PRKG1: variants seen among roughly 807,000 people sequenced by gnomAD.
The protein encoded by PRKG1 is protein kinase cGMP-dependent 1.
Under a neutral mutation model 88.1 loss-of-function variants are expected in PRKG1, and 35 were observed. The observed-to-expected ratio is 0.40, with a 90% CI of 0.30 to 0.53. The LOEUF (loss-of-function observed/expected upper bound fraction) is 0.53. Ranked by LOEUF, PRKG1 falls within the 20% of genes least tolerant of loss-of-function variation. The pLI is 0.59. For missense variants in PRKG1, 540 were observed against 839.8 expected (o/e 0.64, Z 4.41); for synonymous variants, 303 against 292.5 (o/e 1.04, Z -0.37).
chr10:51,138,686 T>TTTG (rs1554839818), intron 1 of PRKG1, among the ~76,000 whole-genome samples: 2 of 130,712 alleles, frequency 1.5e-5, no homozygotes, highest in East Asian at 2.4e-4. Flanking sequence ...TTTTTTTTTT[T>TTTG]TTTTTTTTTT....
At chr10:51,280,926 A>AG (rs1341621602) in intron 2 of PRKG1, among the ~76,000 whole-genome samples, 2 of 152,064 alleles carry the variant, frequency 1.3e-5, no homozygotes, top group African/African-American at 4.8e-5. Flanking sequence ...CTTCCTTTGG[A>AG]GGGGGAGAGG....
intron 2 of PRKG1, among the ~76,000 whole-genome samples, chr10:51,357,943 A>G (rs1224090995): frequency 6.6e-6 from 1 of 151,978 alleles, no homozygotes; most frequent in Non-Finnish European, 1.5e-5. Flanking sequence ...TTTATTTTAC[A>G]TATTAGGGAT....
intron 3 of PRKG1, among the ~76,000 whole-genome samples, chr10:51,535,330 G>A (rs1427104314): frequency 6.6e-6 from 1 of 152,098 alleles, no homozygotes; most frequent in Admixed American, 6.5e-5. Flanking sequence ...CATAAAAATT[G>A]CCAAGGTAGA....
intron 9 of PRKG1, chr10:52,231,419 AAGAGAG>A (rs200201417): frequency 2.7e-5 from 4 of 150,204 alleles, no homozygotes; most frequent in Admixed American, 6.6e-5. Flanking sequence ...GAAAGAGAGA[AAGAGAG>A]AGAGAGAGAG....
At chr10:51,177,824 C>T (rs1837236756) in intron 2 of PRKG1, among the ~76,000 whole-genome samples, 1 of 151,714 alleles carries the variant, frequency 6.6e-6, no homozygotes, top group African/African-American at 2.4e-5. Context: ...AATATGATTA[C>T]ATTTATATTT....
At chr10:51,726,912 G>A (rs2132462318) in intron 3 of PRKG1, among the ~76,000 whole-genome samples, 1 of 152,048 alleles carries the variant, frequency 6.6e-6, no homozygotes, top group African/African-American at 2.4e-5. Flanking sequence ...AAGTAGCTGG[G>A]ACTACAGGCA....
chr10:52,142,972 C>CGAAT (rs1182539705), intron 8 of PRKG1, among the ~76,000 whole-genome samples: 1 of 151,932 alleles, frequency 6.6e-6, no homozygotes, highest in Admixed American at 6.6e-5. Context: ...TTGAAATGAA[C>CGAAT]GAATGAATGA....
Position 51,259,336 on chromosome 10 carries a change from A to G in PRKG1, c.478+106006A>G, listed in dbSNP as rs117486584. On this transcript the variant is annotated intron_variant, in intron 2 of 17. Transcript: ENST00000373980. ...GTATTTTTTCTTGAAAAATATACTCATAACAACAGCTGTGATTATTCCCGT... is the reference window on the plus strand; with the variant it reads ...GTATTTTTTCTTGAAAAATATACTCGTAACAACAGCTGTGATTATTCCCGT... Among the ~76,000 whole-genome samples, 586 of 152,372 alleles carry G rather than the reference A, an allele frequency of 3.8e-3. 2 individuals are homozygous for G. Among genetic ancestry groups the G allele is most frequent in the Non-Finnish European group, 6.8e-3 (466 of 68,042 alleles).
At chr10:51,728,206 AC>A (rs938326300) in intron 3 of PRKG1, among the ~76,000 whole-genome samples, 1 of 151,760 alleles carries the variant, frequency 6.6e-6, no homozygotes, top group Non-Finnish European at 1.5e-5. Flanking sequence ...ATTTTTTTTT[AC>A]CCCCAGACAA....
intron 3 of PRKG1, among the ~76,000 whole-genome samples, chr10:51,795,589 A>C (rs900840553): frequency 6.6e-6 from 1 of 152,092 alleles, no homozygotes; most frequent in African/African-American, 2.4e-5. Flanking sequence ...GTTGGGAAGC[A>C]GTTATGCGCT....
intron 7 of PRKG1, among the ~76,000 whole-genome samples, chr10:52,130,787 G>A (rs977447417): frequency 2.6e-5 from 4 of 152,162 alleles, no homozygotes; most frequent in African/African-American, 7.2e-5. Flanking sequence ...AAGTGATAAC[G>A]AATTGAAAAT....
Position 51,102,963 on chromosome 10 carries a change from T to C in PRKG1, c.311+28062T>C, listed in dbSNP as rs148578518. The stretch of plus-strand genomic sequence containing the variant: ...CAGACAGATAAGAGAAAATAGTATA[T>C]GAATGGAACAAGAAGAGGATACTGG... On this transcript the variant is annotated intron_variant, in intron 1 of 17. Coordinates refer to ENST00000373980, the MANE Select transcript of PRKG1 (RefSeq NM_006258.4). 6.3e-4 allele frequency among the ~76,000 whole-genome samples: 95 copies of C among 151,858 alleles called. 2 individuals carry two copies. In the East Asian group the frequency reaches 0.017, roughly 27 times the overall value.
intron 5 of PRKG1, among the ~76,000 whole-genome samples, chr10:51,993,258 T>C (rs74389287): frequency 6.6e-6 from 1 of 152,156 alleles, no homozygotes; most frequent in Admixed American, 6.6e-5. Flanking sequence ...AGGTTTTTAT[T>C]TCCTCTTAAG....
At chr10:51,356,085 G>T (rs982769580) in intron 2 of PRKG1, among the ~76,000 whole-genome samples, 1 of 151,904 alleles carries the variant, frequency 6.6e-6, no homozygotes, top group Non-Finnish European at 1.5e-5. Context: ...ACCTTATTAG[G>T]CAAAAGCTGC....
At chr10:51,186,902 T>C (rs987303092) in intron 2 of PRKG1, among the ~76,000 whole-genome samples, 2 of 149,242 alleles carry the variant, frequency 1.3e-5, no homozygotes, top group Non-Finnish European at 1.5e-5. Context: ...AATTTTAAAG[T>C]CTGAAGATTG....
intron 5 of PRKG1, 45 bp from the exon 6 acceptor site, chr10:52,054,439 C>G: frequency 6.8e-7 from 1 of 1,468,696 alleles, no homozygotes; most frequent in Non-Finnish European, 9.5e-7. Flanking sequence ...TGTTTGGTAA[C>G]TTACTGCTTG....
At chr10:51,808,592 G>A (rs1246863881) in intron 4 of PRKG1, among the ~76,000 whole-genome samples, 1 of 152,062 alleles carries the variant, frequency 6.6e-6, no homozygotes, top group Non-Finnish European at 1.5e-5. Flanking sequence ...AACAGAGAGA[G>A]ACCCTGTCTC....
chr10:52,224,297 C>T (rs1472287744), intron 9 of PRKG1, among the ~76,000 whole-genome samples: 1 of 152,056 alleles, frequency 6.6e-6, no homozygotes, highest in Non-Finnish European at 1.5e-5. Flanking sequence ...TCTGTTTTCT[C>T]TACCCAGAAT....
chr10:51,980,538 T>G (rs1843980719), intron 5 of PRKG1, among the ~76,000 whole-genome samples: 1 of 152,202 alleles, frequency 6.6e-6, no homozygotes, highest in Non-Finnish European at 1.5e-5. Flanking sequence ...ATATCTTTGT[T>G]AATTTTTTGC....
Sources: gnomAD v4.1 joint callset for allele counts (sites outside exome capture counted in the v4.1 genomes callset) on GRCh38, gnomAD v4.1.1 for gene constraint, MANE v1.5 for transcripts, NCBI Gene and HGNC (gene_info 2026-07-23, HGNC 2026-07-21) for gene names.